NSUN4: variants seen among roughly 807,000 people sequenced by gnomAD.
NSUN4 encodes the protein 5-cytosine rRNA methyltransferase NSUN4.
A neutral mutation model predicts 43.8 loss-of-function variants in NSUN4; 31 were observed. That is an observed-to-expected ratio of 0.71 (90% CI 0.53 to 0.96). NSUN4 has a LOEUF of 0.96. Among genes scored for constraint, NSUN4 ranks in the 40% least tolerant of loss-of-function variants. The probability of loss-of-function intolerance (pLI) is 0.00; values close to 1 mark genes in which losing one functional copy is unlikely to be tolerated. For missense variants in NSUN4, 439 were observed against 475.6 expected, an observed-to-expected ratio of 0.92 and a Z score of 0.72; for synonymous variants, 167 against 184.1, an observed-to-expected ratio of 0.91 and a Z score of 0.75.
chr1:46,352,764 T>G, intron 3 of NSUN4, 104 bp from the exon 4 acceptor site: 1 of 1,068,330 alleles, frequency 9.4e-7, no homozygotes, highest in Non-Finnish European at 1.4e-6. Context: ...TGCTGGGGTT[T>G]GCATTGGCTG....
intron 4 of NSUN4, 108 bp downstream of exon 4, chr1:46,353,136 G>T: frequency 3.9e-6 from 4 of 1,038,036 alleles, no homozygotes; most frequent in Non-Finnish European, 5.8e-6. Flanking sequence ...AGCATGTAGA[G>T]CTGTTTCTGG....
intron 2 of NSUN4, among the ~76,000 whole-genome samples, chr1:46,346,439 CTACT>C (rs1404543239): frequency 1.3e-5 from 2 of 150,616 alleles, no homozygotes; most frequent in Admixed American, 1.3e-4. Flanking sequence ...GTAATCCCAG[CTACT>C]TGGGAGGCTG....
At chr1:46,381,487 A>T in the NSUN4 span, among the ~76,000 whole-genome samples, 1 of 152,158 alleles carries the variant, frequency 6.6e-6, no homozygotes, top group Non-Finnish European at 1.5e-5. Flanking sequence ...GTTATATTTA[A>T]TATGCGCCCA....
the NSUN4 span, among the ~76,000 whole-genome samples, chr1:46,382,606 CTTTTTTT>C: frequency 7.0e-6 from 1 of 142,396 alleles, no homozygotes; most frequent in Non-Finnish European, 1.5e-5. Context: ...AAAAATGCTT[CTTTTTTT>C]TTTTTTTTGA....
chr1:46,345,711 A>C (rs1487736850), intron 2 of NSUN4, among the ~76,000 whole-genome samples: 3 of 152,232 alleles, frequency 2.0e-5, no homozygotes, highest in African/African-American at 4.8e-5. Context: ...GGAGAAGTTC[A>C]GTTTCTTGAT....
At chr1:46,378,375 T>TTAGTAGAG in the NSUN4 span, among the ~76,000 whole-genome samples, 198 of 152,260 alleles carry the variant, frequency 1.3e-3, no homozygotes, top group African/African-American at 4.1e-3. Flanking sequence ...TTTTGCATTT[T>TTAGTAGAG]TAGTAGAGAC....
chr1:46,354,770 T>G (rs1385319102), intron 4 of NSUN4, among the ~76,000 whole-genome samples: 3 of 152,056 alleles, frequency 2.0e-5, no homozygotes, highest in East Asian at 3.9e-4. Flanking sequence ...GGGTTCAAAG[T>G]TCGATTCTCT....
In NSUN4 at chr1:46,362,034, C is replaced by T. The variant is rs974468140; in HGVS notation, c.*188C>T. Reference sequence around the variant, plus strand: ...CTGCTGTCCAATTGTGGAGCATCAGCAGGTTTCCAACTCACTCATTAACCC... The same window carrying T: ...CTGCTGTCCAATTGTGGAGCATCAGTAGGTTTCCAACTCACTCATTAACCC... On this transcript the variant is annotated 3_prime_UTR_variant, in exon 6 of 6. Transcript: ENST00000474844. 23 of 624,568 alleles carry T rather than the reference C, an allele frequency of 3.7e-5. No individual in the cohort carries two copies. The highest frequency in any genetic ancestry group is 3.7e-4 in the African/African-American group (20 of 54,458). The allele number at this position is 624,568 out of a possible 1,614,324, so 38.7% of individuals were successfully genotyped here.
At chr1:46,358,398 A>ATTTTTTTTTTTTTTTTTTTTTTTTTT (rs34719174) in intron 4 of NSUN4, among the ~76,000 whole-genome samples, 1 of 95,456 alleles carries the variant, frequency 1.0e-5, no homozygotes. Flanking sequence ...TCCTGGCCTA[A>ATTTTTTTTTTTTTTTTTTTTTTTTTT]TTTTTTTTTT....
At chr1:46,347,216 C>T (rs72885198) in intron 3 of NSUN4, 141 bp downstream of exon 3, 185,512 of 766,602 alleles carry the variant, frequency 0.24, 25,329 homozygotes, top group Non-Finnish European at 0.29. Flanking sequence ...GGGAGGCGGA[C>T]CACCTGATGT....
rs1312365402 is a variant in NSUN4 at position 46,356,028 on chromosome 1, A to AC, written c.753+3000_753+3001insC. Among the ~76,000 whole-genome samples the AC allele has an allele frequency of 6.4e-4, 97 of 151,900 alleles. 2 individuals are homozygous for AC. The South Asian group carries it at 0.017, about 26-fold the overall frequency. On this transcript the variant is annotated intron_variant, in intron 4 of 5. Coordinates refer to ENST00000474844, the MANE Select transcript of NSUN4 (RefSeq NM_199044.4). Reference sequence around the variant, plus strand: ...AGACTTTGTCTCAAAAAAAAAAAAAAACTAGTTGTGTACAATATACTCTGT... The same window carrying AC: ...AGACTTTGTCTCAAAAAAAAAAAAAACACTAGTTGTGTACAATATACTCTGT...
downstream of NSUN4, among the ~76,000 whole-genome samples, chr1:46,367,966 T>C (rs1664173930): frequency 6.6e-6 from 1 of 152,050 alleles, no homozygotes; most frequent in Non-Finnish European, 1.5e-5. Context: ...GGTTTCGCCA[T>C]GTTGCCCAGG....
At chr1:46,348,332 C>G (rs891394713) in intron 3 of NSUN4, among the ~76,000 whole-genome samples, 2 of 152,220 alleles carry the variant, frequency 1.3e-5, no homozygotes, top group Non-Finnish European at 2.9e-5. Flanking sequence ...ATGCCTGTCT[C>G]CTACGCTCCC....
At chr1:46,360,916 C>G in intron 5 of NSUN4, 88 bp downstream of exon 5, 1 of 1,404,892 alleles carries the variant, frequency 7.1e-7, no homozygotes, top group Non-Finnish European at 1.0e-6. Context: ...GACCATAACC[C>G]ACACAAGAAT....
chr1:46,364,395 G>A lies in NSUN4; in HGVS notation c.*2549G>A, dbSNP rs1015884977. ...ATGTGCTGTTTAAAGTCTGAAGCTCGGCCAGGTGCGGTGGCTCACGCCTGT... is the reference window on the plus strand; with the variant it reads ...ATGTGCTGTTTAAAGTCTGAAGCTCAGCCAGGTGCGGTGGCTCACGCCTGT... On this transcript the variant is annotated 3_prime_UTR_variant, in exon 6 of 6. Coordinates refer to ENST00000474844, the MANE Select transcript of NSUN4 (RefSeq NM_199044.4). 4.6e-5 allele frequency: 7 copies of A among 150,650 alleles called. No individual in the cohort carries two copies. Among genetic ancestry groups the A allele is most frequent in the Middle Eastern group, 3.2e-3 (1 of 310 alleles). The allele number at this position is 150,650 out of a possible 1,614,324, so 9.3% of individuals were successfully genotyped here. A position where few individuals can be genotyped will look rare whatever the true frequency, so the allele number is the denominator to read the frequency against.
intron 3 of NSUN4, among the ~76,000 whole-genome samples, 197 bp from the exon 4 acceptor site, chr1:46,352,670 CT>C (rs889571525): frequency 2.0e-5 from 3 of 152,158 alleles, no homozygotes; most frequent in Non-Finnish European, 2.9e-5. Flanking sequence ...AACTTTGATA[CT>C]TTCTGGCCCA....
At chr1:46,341,102 A>T (rs1322458881) in intron 1 of NSUN4, 183 bp downstream of exon 1, 4 of 1,209,688 alleles carry the variant, frequency 3.3e-6, no homozygotes, top group South Asian at 1.7e-5. Flanking sequence ...CCCGAGCGTT[A>T]GTGTCTTCCA....
At chr1:46,384,285 C>G in the NSUN4 span, among the ~76,000 whole-genome samples, 2 of 152,158 alleles carry the variant, frequency 1.3e-5, no homozygotes, top group African/African-American at 2.4e-5. Context: ...CCTTGCAGCT[C>G]TTTCTCTTCA....
chr1:46,362,331 A>C lies in NSUN4; in HGVS notation c.*485A>C, dbSNP rs1226583328. 1 of 155,922 alleles carries C rather than the reference A, an allele frequency of 6.4e-6. No homozygotes were observed. The highest frequency in any genetic ancestry group is 2.4e-5 in the African/African-American group (1 of 41,506). The allele number at this position is 155,922 out of a possible 1,614,324, so 9.7% of individuals were successfully genotyped here. A position where few individuals can be genotyped will look rare whatever the true frequency, so the allele number is the denominator to read the frequency against. On this transcript the variant is annotated 3_prime_UTR_variant, in exon 6 of 6. Transcript: ENST00000474844. ...CTTGAGCAGCCAACAGGCTCAATTA[A>C]GCCCGCCTGGTTTTTCCATATGGCT...
Sources: gnomAD v4.1 joint callset for allele counts (sites outside exome capture counted in the v4.1 genomes callset) on GRCh38, gnomAD v4.1.1 for gene constraint, MANE v1.5 for transcripts, NCBI Gene and HGNC (gene_info 2026-07-23, HGNC 2026-07-21) for gene names.